The following PARP11 variants were observed in gnomAD, a reference collection of about 807,000 sequenced individuals.
PARP11 encodes protein mono-ADP-ribosyltransferase PARP11.
Under a neutral mutation model 42.9 loss-of-function variants are expected in PARP11, and 31 were observed. The observed-to-expected ratio is 0.72, with a 90% CI of 0.54 to 0.98. The LOEUF is 0.98. Ranked by LOEUF, PARP11 falls within the 50% of genes least tolerant of loss-of-function variation. The pLI, the probability that PARP11 is intolerant of heterozygous loss-of-function variation, is 0.00. For synonymous variants in PARP11, 137 were observed against 127.3 expected (o/e 1.08, Z -0.51); for missense variants, 365 against 413.1 (o/e 0.88, Z 1.01).
intron 1 of PARP11, among the ~76,000 whole-genome samples, chr12:3,847,119 G>A (rs1948018365): frequency 6.6e-6 from 1 of 151,744 alleles, no homozygotes; most frequent in Non-Finnish European, 1.5e-5. Context: ...AAAAGAAGAG[G>A]AAAAATAAAG....
intron 1 of PARP11, among the ~76,000 whole-genome samples, chr12:3,868,339 A>G (rs916417425): frequency 1.3e-5 from 2 of 152,066 alleles, no homozygotes; most frequent in Non-Finnish European, 2.9e-5. Flanking sequence ...GCACATGTGT[A>G]GTTCTAGCTA....
intron 1 of PARP11, chr12:3,839,573 T>G: frequency 1.4e-6 from 2 of 1,416,158 alleles, no homozygotes; most frequent in Non-Finnish European, 2.0e-6. Flanking sequence ...GAAGGATATT[T>G]AAAGCGCTTG....
intron 1 of PARP11, among the ~76,000 whole-genome samples, chr12:3,835,505 G>C (rs901855479): frequency 2.0e-5 from 3 of 152,136 alleles, no homozygotes; most frequent in Non-Finnish European, 4.4e-5. Context: ...ATAAAGATGT[G>C]ATCAATACAC....
At position 3,851,297 on chromosome 12, in the gene PARP11, G is replaced by A. The variant is rs1200867965; in HGVS notation, c.19-21279C>T. 2.0e-5 allele frequency among the ~76,000 whole-genome samples: 3 copies of A among 152,192 alleles called. No individual in the cohort carries two copies. In the East Asian group the frequency reaches 5.8e-4, roughly 29 times the overall value. On this transcript the variant is annotated intron_variant, in intron 1 of 7. Coordinates refer to ENST00000228820, the MANE Select transcript of PARP11 (RefSeq NM_020367.6). ...AGCCCACAGAGGGCAAGCCGAAGAA[G>A]GGCAGGGCATCGCCTCACCCAGGAA...
At chr12:3,832,175 T>C (rs1456071513) in intron 1 of PARP11, 4 of 945,446 alleles carry the variant, frequency 4.2e-6, no homozygotes, top group Non-Finnish European at 5.0e-6. Context: ...CTTTCAGAGC[T>C]TTCTGTTATA....
intron 1 of PARP11, among the ~76,000 whole-genome samples, chr12:3,831,139 A>G (rs531075487): frequency 6.6e-6 from 1 of 152,288 alleles, no homozygotes; most frequent in East Asian, 1.9e-4. Flanking sequence ...CAGAACTTTC[A>G]AAATAAAGCT....
At chr12:3,827,822 A>G (rs773712053) in intron 3 of PARP11, among the ~76,000 whole-genome samples, 4 of 152,164 alleles carry the variant, frequency 2.6e-5, no homozygotes, top group Non-Finnish European at 4.4e-5. Context: ...GCCACAATAC[A>G]CTACTAACAC....
chr12:3,852,418 C>A (rs980838256), intron 1 of PARP11, among the ~76,000 whole-genome samples: 3 of 152,108 alleles, frequency 2.0e-5, no homozygotes, highest in African/African-American at 4.8e-5. Flanking sequence ...CTAACTAGAA[C>A]AAACAGTGTA....
intron 6 of PARP11, among the ~76,000 whole-genome samples, chr12:3,815,463 T>C (rs1947267581): frequency 6.6e-6 from 1 of 152,232 alleles, no homozygotes; most frequent in Non-Finnish European, 1.5e-5. Flanking sequence ...ACCTAGGCTT[T>C]CTTTTCTTGG....
intron 1 of PARP11, among the ~76,000 whole-genome samples, chr12:3,838,047 TCAACAA>T (rs113625533): frequency 6.9e-6 from 1 of 145,430 alleles, no homozygotes; most frequent in Non-Finnish European, 1.5e-5. Context: ...AGCCAGAAAA[TCAACAA>T]CAACAACAAC....
intron 1 of PARP11, among the ~76,000 whole-genome samples, chr12:3,858,152 C>T (rs1451390061): frequency 6.6e-6 from 1 of 152,128 alleles, no homozygotes; most frequent in African/African-American, 2.4e-5. Flanking sequence ...TATATAACCT[C>T]CTGACATATG....
intron 1 of PARP11, among the ~76,000 whole-genome samples, chr12:3,846,893 T>A (rs955850820): frequency 6.6e-6 from 1 of 152,126 alleles, no homozygotes; most frequent in Non-Finnish European, 1.5e-5. Context: ...AAGACCAGTC[T>A]AGGCAACATA....
intron 6 of PARP11, among the ~76,000 whole-genome samples, chr12:3,818,808 C>T (rs1467492492): frequency 6.6e-6 from 1 of 152,230 alleles, no homozygotes; most frequent in East Asian, 1.9e-4. Flanking sequence ...AAACCACATT[C>T]TCCCTCCAGC....
intron 1 of PARP11, among the ~76,000 whole-genome samples, chr12:3,850,942 C>T (rs1401786035): frequency 6.6e-6 from 1 of 152,074 alleles, no homozygotes; most frequent in Admixed American, 6.5e-5. Context: ...TGGAAAAATC[C>T]TACATAAAGC....
chr12:3,821,166 A>C (rs1347227699), intron 6 of PARP11, among the ~76,000 whole-genome samples: 1 of 152,242 alleles, frequency 6.6e-6, no homozygotes, highest in Non-Finnish European at 1.5e-5. Flanking sequence ...ATTTCTCTGA[A>C]TAAAAAGTTA....
chr12:3,856,912 A>G (rs1455389915), intron 1 of PARP11, among the ~76,000 whole-genome samples: 1 of 152,206 alleles, frequency 6.6e-6, no homozygotes, highest in Non-Finnish European at 1.5e-5. Flanking sequence ...GATTAAGAAA[A>G]TGTGGCACAC....
intron 4 of PARP11, among the ~76,000 whole-genome samples, chr12:3,822,636 T>G (rs1221696354): frequency 6.6e-6 from 1 of 151,838 alleles, no homozygotes; most frequent in Non-Finnish European, 1.5e-5. Context: ...TGTCTATGTG[T>G]GCTACTTTTT....
intron 1 of PARP11, among the ~76,000 whole-genome samples, chr12:3,847,535 A>G (rs1375680039): frequency 6.6e-6 from 1 of 152,226 alleles, no homozygotes; most frequent in African/African-American, 2.4e-5. Context: ...ATCAATCAAC[A>G]TGACAGATCA....
At chr12:3,813,879 A>G (rs989876726) in intron 7 of PARP11, among the ~76,000 whole-genome samples, 158 bp downstream of exon 7, 1 of 152,196 alleles carries the variant, frequency 6.6e-6, no homozygotes, top group Non-Finnish European at 1.5e-5. Flanking sequence ...AAACAAAAAC[A>G]CTAGTATCTA....
Sources: gnomAD v4.1 joint callset for allele counts (sites outside exome capture counted in the v4.1 genomes callset) on GRCh38, gnomAD v4.1.1 for gene constraint, MANE v1.5 for transcripts, NCBI Gene and HGNC (gene_info 2026-07-23, HGNC 2026-07-21) for gene names.